Variants in TMTC2 observed in about 807,000 individuals in gnomAD.
TMTC2 encodes transmembrane O-mannosyltransferase targeting cadherins 2.
TMTC2 carries 43 observed loss-of-function variants against 82.4 expected under a neutral mutation model. The ratio of observed to expected loss-of-function variants is 0.52; its 90% CI spans 0.41 to 0.67. The LOEUF (loss-of-function observed/expected upper bound fraction) is 0.67, where lower values mean the gene tolerates loss of function less well. Among genes scored for constraint, TMTC2 ranks in the 30% least tolerant of loss-of-function variants. The pLI, the probability that TMTC2 is intolerant of heterozygous loss-of-function variation, is 0.00. For synonymous variants in TMTC2, 408 were observed against 381.9 expected (o/e 1.07, Z -0.80); for missense variants, 919 against 1,012.4 (o/e 0.91, Z 1.25).
At chr12:83,032,435 G>A (rs1592706220) in intron 9 of TMTC2, among the ~76,000 whole-genome samples, 2 of 151,344 alleles carry the variant, frequency 1.3e-5, no homozygotes, top group South Asian at 4.2e-4. Context: ...AGTATTGTGA[G>A]TTTTACATTA....
At chr12:83,120,091 T>G (rs187202064) in intron 11 of TMTC2, among the ~76,000 whole-genome samples, 37 of 152,330 alleles carry the variant, frequency 2.4e-4, no homozygotes, top group African/African-American at 8.2e-4. Flanking sequence ...CATTCTGCAA[T>G]TCTGTATCTT....
chr12:82,942,042 G>A (rs899771068), intron 4 of TMTC2, among the ~76,000 whole-genome samples: 5 of 151,984 alleles, frequency 3.3e-5, no homozygotes, highest in Non-Finnish European at 5.9e-5. Flanking sequence ...CACCTGGCTG[G>A]GATAATGATT....
intron 8 of TMTC2, among the ~76,000 whole-genome samples, chr12:83,027,138 A>G (rs1565859445): frequency 1.3e-5 from 2 of 152,126 alleles, no homozygotes; most frequent in Admixed American, 6.6e-5. Flanking sequence ...CATGTCAACC[A>G]GTAAACAAAA....
At chr12:83,016,102 A>C (rs1880665934) in intron 8 of TMTC2, among the ~76,000 whole-genome samples, 1 of 152,222 alleles carries the variant, frequency 6.6e-6, no homozygotes, top group Non-Finnish European at 1.5e-5. Flanking sequence ...CAGGAAGTAG[A>C]AATCTGATAA....
At chr12:82,886,040 A>G (rs1873082278) in intron 2 of TMTC2, among the ~76,000 whole-genome samples, 1 of 152,196 alleles carries the variant, frequency 6.6e-6, no homozygotes, top group Admixed American at 6.5e-5. Context: ...TGGACTCATG[A>G]ATATTTATTT....
At chr12:82,708,503 C>A (rs1202541349) in intron 1 of TMTC2, among the ~76,000 whole-genome samples, 1 of 152,196 alleles carries the variant, frequency 6.6e-6, no homozygotes, top group East Asian at 1.9e-4. Flanking sequence ...GGACCCCATG[C>A]TACTATAATC....
intron 9 of TMTC2, among the ~76,000 whole-genome samples, chr12:83,041,756 A>G (rs1423987577): frequency 6.6e-6 from 1 of 151,336 alleles, no homozygotes; most frequent in East Asian, 2.0e-4. Context: ...CAGTTCTTTA[A>G]GGGAAAATTA....
In TMTC2 at chr12:82,913,313, G is replaced by A. The variant is rs943132089; in HGVS notation, c.1483+16667G>A. Among the ~76,000 whole-genome samples the A allele has an allele frequency of 2.0e-5, 3 of 152,158 alleles. No homozygotes were observed. In the South Asian group the frequency reaches 6.2e-4, roughly 32 times the overall value. On this transcript the variant is annotated intron_variant, in intron 3 of 11. Transcript: ENST00000321196. Reference sequence around the variant, plus strand: ...AAGCAAGAGGCTGTGCACTGCTTTGGGCAGAGGACCATCATACTTTGGTTT... The same window carrying A: ...AAGCAAGAGGCTGTGCACTGCTTTGAGCAGAGGACCATCATACTTTGGTTT...
intron 1 of TMTC2, among the ~76,000 whole-genome samples, chr12:82,838,176 G>T (rs1281990005): frequency 1.3e-5 from 2 of 152,148 alleles, no homozygotes; most frequent in East Asian, 3.8e-4. Flanking sequence ...GATAAGGCAG[G>T]CTGGTGCAAC....
chr12:83,021,516 A>AC (rs1880922879), intron 8 of TMTC2, among the ~76,000 whole-genome samples: 1 of 151,890 alleles, frequency 6.6e-6, no homozygotes, highest in Non-Finnish European at 1.5e-5. Context: ...GGTCACTTGA[A>AC]CCCTGGATTT....
chr12:82,885,807 G>A lies in TMTC2; in HGVS notation c.655-10011G>A, dbSNP rs1873069370. Among the ~76,000 whole-genome samples, 3 of 152,104 alleles carry A rather than the reference G, an allele frequency of 2.0e-5. 1 individual carries two copies. The South Asian group carries it at 6.2e-4, about 32-fold the overall frequency. The stretch of plus-strand genomic sequence containing the variant: ...CACCTGCCAGTGATAGTGTTTTTCA[G>A]GTTTCTCCACCGTAAAGTTACTTTC... On this transcript the variant is annotated intron_variant, in intron 2 of 11. Transcript: ENST00000321196.
intron 4 of TMTC2, among the ~76,000 whole-genome samples, chr12:82,937,730 A>ATGTGTG (rs1479455766): frequency 1.9e-4 from 5 of 26,498 alleles, no homozygotes; most frequent in African/African-American, 3.9e-4. Context: ...GTGTGTGTGG[A>ATGTGTG]TGTGTGTGTG....
chr12:82,776,128 T>C (rs1877581037), intron 1 of TMTC2, among the ~76,000 whole-genome samples: 1 of 152,148 alleles, frequency 6.6e-6, no homozygotes, highest in East Asian at 1.9e-4. Flanking sequence ...TACATAAATA[T>C]TAATACTAGC....
At chr12:82,876,177 C>CATAGTGGTGGTGGTGGTGGTGG (rs1872566617) in intron 2 of TMTC2, among the ~76,000 whole-genome samples, 1 of 120,112 alleles carries the variant, frequency 8.3e-6, no homozygotes. Context: ...TGTTGTTGAT[C>CATAGTGGTGGTGGTGGTGGTGG]GGGTGGTAGT....
Position 83,089,742 on chromosome 12 carries a change from T to C in TMTC2, c.2331+27911T>C, listed in dbSNP as rs1883777974. 3.3e-5 allele frequency among the ~76,000 whole-genome samples: 5 copies of C among 151,992 alleles called. No individual in the cohort carries two copies. The South Asian group carries it at 8.3e-4, about 25-fold the overall frequency. On this transcript the variant is annotated intron_variant, in intron 11 of 11. Coordinates refer to ENST00000321196, the MANE Select transcript of TMTC2 (RefSeq NM_152588.3). ...AACAGGAGATTCTCAAAGCTCCAAA[T>C]GTGGATCTCGCATAAGCCATGCCCT...
At chr12:82,749,705 T>C (rs918555057) in intron 1 of TMTC2, among the ~76,000 whole-genome samples, 3 of 151,518 alleles carry the variant, frequency 2.0e-5, no homozygotes, top group South Asian at 2.1e-4. Flanking sequence ...TGTTAACAGA[T>C]AGAAACTGTT....
chr12:83,099,473 C>A (rs997029184), intron 11 of TMTC2, among the ~76,000 whole-genome samples: 8 of 152,146 alleles, frequency 5.3e-5, no homozygotes, highest in Non-Finnish European at 1.2e-4. Flanking sequence ...TTTGAATCTT[C>A]CGTGCTATTA....
intron 1 of TMTC2, among the ~76,000 whole-genome samples, chr12:82,812,372 A>T (rs1340231943): frequency 1.3e-5 from 2 of 152,108 alleles, no homozygotes; most frequent in African/African-American, 4.8e-5. Context: ...CATAAGAAGT[A>T]AGGAGTTTAT....
intron 9 of TMTC2, among the ~76,000 whole-genome samples, chr12:83,035,692 T>A (rs1881635548): frequency 1.3e-5 from 2 of 152,130 alleles, no homozygotes; most frequent in Non-Finnish European, 2.9e-5. Context: ...AAGGTGAGGA[T>A]TTGGTGCCTT....
Sources: gnomAD v4.1 joint callset for allele counts (sites outside exome capture counted in the v4.1 genomes callset) on GRCh38, gnomAD v4.1.1 for gene constraint, MANE v1.5 for transcripts, NCBI Gene and HGNC (gene_info 2026-07-23, HGNC 2026-07-21) for gene names.